MECOM: variants seen among roughly 807,000 people sequenced by gnomAD.
MECOM encodes histone-lysine N-methyltransferase MECOM.
MECOM carries 13 observed loss-of-function variants against 116.3 expected under a neutral mutation model. That is an observed-to-expected ratio of 0.11 (90% CI 0.07 to 0.18). The LOEUF (loss-of-function observed/expected upper bound fraction) is 0.18. Among genes scored for constraint, MECOM ranks in the 10% least tolerant of loss-of-function variants. MECOM has a pLI of 1.00. For missense variants in MECOM, 1,299 were observed against 1,509.0 expected (o/e 0.86, Z 2.31); for synonymous variants, 528 against 535.2 (o/e 0.99, Z 0.19).
chr3:169,599,099 C>T (rs574093722), intron 1 of MECOM, among the ~76,000 whole-genome samples: 9 of 152,266 alleles, frequency 5.9e-5, no homozygotes, highest in South Asian at 2.1e-4. Flanking sequence ...TTTGATAAAA[C>T]GTTAAACCTC....
At chr3:169,186,121 T>C (rs1746672473) in intron 2 of MECOM, among the ~76,000 whole-genome samples, 1 of 152,130 alleles carries the variant, frequency 6.6e-6, no homozygotes, top group African/African-American at 2.4e-5. Flanking sequence ...GACAGCACTG[T>C]ATCAGTTCAC....
At chr3:169,333,699 A>C (rs1723111355) in intron 2 of MECOM, among the ~76,000 whole-genome samples, 1 of 152,166 alleles carries the variant, frequency 6.6e-6, no homozygotes, top group Admixed American at 6.6e-5. Context: ...GGTAAAGAAA[A>C]CCCAAAATCA....
At chr3:169,391,760 A>G (rs1279707127) in intron 1 of MECOM, among the ~76,000 whole-genome samples, 2 of 152,156 alleles carry the variant, frequency 1.3e-5, no homozygotes, top group Non-Finnish European at 2.9e-5. Context: ...TAATATGACA[A>G]CTTCATAGAC....
intron 2 of MECOM, among the ~76,000 whole-genome samples, chr3:169,355,778 G>T (rs1727169175): frequency 6.6e-6 from 1 of 151,740 alleles, no homozygotes; most frequent in East Asian, 1.9e-4. Context: ...AATAAGCAAA[G>T]CTAACTTTTA....
At chr3:169,557,807 A>G (rs1350134887) in intron 1 of MECOM, among the ~76,000 whole-genome samples, 1 of 152,228 alleles carries the variant, frequency 6.6e-6, no homozygotes, top group Non-Finnish European at 1.5e-5. Flanking sequence ...AAATGTTTAC[A>G]TATACACATT....
At chr3:169,386,042 C>T (rs916486914) in intron 1 of MECOM, among the ~76,000 whole-genome samples, 1 of 152,180 alleles carries the variant, frequency 6.6e-6, no homozygotes, top group Admixed American at 6.5e-5. Context: ...TGGGAAATTG[C>T]TCTTGGAAGT....
intron 2 of MECOM, among the ~76,000 whole-genome samples, chr3:169,311,275 A>G (rs1718712154): frequency 6.6e-6 from 1 of 152,244 alleles, no homozygotes; most frequent in African/African-American, 2.4e-5. Context: ...GCACTGTGAT[A>G]CAATAAGAGA....
chr3:169,131,118 C>T (rs575293653), intron 4 of MECOM, among the ~76,000 whole-genome samples: 1 of 152,220 alleles, frequency 6.6e-6, no homozygotes, highest in East Asian at 1.9e-4. Flanking sequence ...CTGAAAGATC[C>T]GTTACACAGT....
intron 2 of MECOM, among the ~76,000 whole-genome samples, chr3:169,191,311 A>C (rs1428613361): frequency 6.6e-6 from 1 of 151,954 alleles, no homozygotes; most frequent in African/African-American, 2.4e-5. Context: ...AATATAAACA[A>C]GCACATTCAG....
chr3:169,507,696 C>CT (rs1172458971), intron 1 of MECOM, among the ~76,000 whole-genome samples: 5 of 85,040 alleles, frequency 5.9e-5, no homozygotes, highest in Non-Finnish European at 1.1e-4. Flanking sequence ...GAGTCTCGCT[C>CT]TTTCGCCCAG....
intron 1 of MECOM, chr3:169,484,102 T>C (rs1751790422): frequency 2.3e-6 from 2 of 865,504 alleles, no homozygotes; most frequent in Middle Eastern, 3.3e-4. Context: ...TATTCTGTTA[T>C]ATTTCAATTT....
At chr3:169,154,769 G>A (rs1401062283) in intron 2 of MECOM, among the ~76,000 whole-genome samples, 6 of 152,016 alleles carry the variant, frequency 3.9e-5, no homozygotes, top group Non-Finnish European at 8.8e-5. Context: ...ATTATTATTG[G>A]TATTGCTATT....
chr3:169,407,452 AC>A (rs1240128770), intron 1 of MECOM, among the ~76,000 whole-genome samples: 1 of 151,290 alleles, frequency 6.6e-6, no homozygotes, highest in Non-Finnish European at 1.5e-5. Flanking sequence ...GTTCACAAAA[AC>A]ATTTTTTGTA....
At chr3:169,554,789 CT>C (rs1761839211) in intron 1 of MECOM, among the ~76,000 whole-genome samples, 1 of 152,180 alleles carries the variant, frequency 6.6e-6, no homozygotes, top group Admixed American at 6.5e-5. Flanking sequence ...CAGGCTGAAT[CT>C]GGGCTGCAGT....
chr3:169,088,951 G>T, intron 16 of MECOM, 49 bp downstream of exon 16: 1 of 1,348,116 alleles, frequency 7.4e-7, no homozygotes, highest in Non-Finnish European at 9.7e-7. Flanking sequence ...GGAAATGTAC[G>T]TTTCATGCAT....
chr3:169,405,468 T>A (rs1160572319), intron 1 of MECOM, among the ~76,000 whole-genome samples: 1 of 152,180 alleles, frequency 6.6e-6, no homozygotes, highest in African/African-American at 2.4e-5. Flanking sequence ...GTCCTCGACT[T>A]ACTGAGATGT....
At chr3:169,628,771 G>C (rs569713990) in intron 1 of MECOM, among the ~76,000 whole-genome samples, 71 of 152,298 alleles carry the variant, frequency 4.7e-4, no homozygotes, top group African/African-American at 1.6e-3. Flanking sequence ...AGGAGCTCAG[G>C]GGGAGGAGCA....
At chr3:169,141,706 G>T (rs1738165201) in intron 3 of MECOM, among the ~76,000 whole-genome samples, 1 of 151,740 alleles carries the variant, frequency 6.6e-6, no homozygotes, top group Admixed American at 6.6e-5. Flanking sequence ...TGTCAATTGG[G>T]CTAAGAGTGA....
intron 2 of MECOM, among the ~76,000 whole-genome samples, chr3:169,267,723 T>C (rs771688814): frequency 6.6e-6 from 1 of 152,034 alleles, no homozygotes; most frequent in Non-Finnish European, 1.5e-5. Context: ...TGGGATGTGA[T>C]AGAAAAGACA....
Sources: allele counts gnomAD v4.1 joint callset (sites outside exome capture counted in the v4.1 genomes callset), GRCh38; gene constraint gnomAD v4.1.1; transcripts MANE v1.5; gene names NCBI Gene and HGNC (gene_info 2026-07-23, HGNC 2026-07-21).